Variants in KAZN observed in about 807,000 individuals in gnomAD.
KAZN encodes kazrin.
Under a neutral mutation model 87.4 loss-of-function variants are expected in KAZN, and 40 were observed. The ratio of observed to expected loss-of-function variants is 0.46; its 90% CI spans 0.36 to 0.60. The LOEUF (loss-of-function observed/expected upper bound fraction) is 0.60. KAZN is among the 20% of genes least tolerant of loss of function. The pLI is 0.00. For missense variants in KAZN, 898 were observed against 1,073.9 expected (o/e 0.84, Z 2.29); for synonymous variants, 466 against 458.3 (o/e 1.02, Z -0.22).
chr1:14,240,835 G>A (rs150098547), intron 2 of KAZN, among the ~76,000 whole-genome samples: 1 of 152,214 alleles, frequency 6.6e-6, no homozygotes, highest in Non-Finnish European at 1.5e-5. Flanking sequence ...TTCCACTTCT[G>A]TTGGCTCAGG....
intron 2 of KAZN, among the ~76,000 whole-genome samples, chr1:14,572,544 G>A (rs1674933277): frequency 6.6e-6 from 1 of 152,202 alleles, no homozygotes. Flanking sequence ...GCTCAGGCCT[G>A]GGAAGCAAGA....
At chr1:14,528,055 C>T (rs1671995427) in intron 2 of KAZN, among the ~76,000 whole-genome samples, 1 of 148,966 alleles carries the variant, frequency 6.7e-6, no homozygotes, top group African/African-American at 2.5e-5. Context: ...ATCTATGTAC[C>T]TACCTACCTA....
chr1:13,969,115 T>C (rs1191608041), intron 1 of KAZN, among the ~76,000 whole-genome samples: 1 of 152,216 alleles, frequency 6.6e-6, no homozygotes, highest in East Asian at 1.9e-4. Flanking sequence ...ATACTTGAGA[T>C]ATGGCAGTAA....
At chr1:14,500,013 A>G (rs1486023317) in intron 2 of KAZN, among the ~76,000 whole-genome samples, 1 of 152,238 alleles carries the variant, frequency 6.6e-6, no homozygotes, top group Non-Finnish European at 1.5e-5. Context: ...CGTGAATAGA[A>G]TAAGTGAATT....
intron 1 of KAZN, among the ~76,000 whole-genome samples, chr1:14,084,845 G>A (rs1344067573): frequency 5.9e-5 from 9 of 152,036 alleles, no homozygotes; most frequent in Admixed American, 2.0e-4. Flanking sequence ...AAACCTGCAC[G>A]TTGTGCACAT....
rs747092750 is a variant in KAZN, at chr1:15,034,917, C to T, written c.555+32C>T. 13 of 1,610,680 alleles carry T rather than the reference C, an allele frequency of 8.1e-6. No homozygotes were observed. In the South Asian group the frequency reaches 1.4e-4, roughly 18 times the overall value. The stretch of plus-strand genomic sequence containing the variant: ...CGCCGCCCTGCCCTCCCCTCCCCTC[C>T]CGACACACCAGCTCCCACCTCCCCT... On this transcript the variant is annotated intron_variant, in intron 3 of 14. Transcript: ENST00000376030.
intron 1 of KAZN, among the ~76,000 whole-genome samples, chr1:14,025,359 C>T (rs560212162): frequency 1.4e-4 from 21 of 152,318 alleles, no homozygotes; most frequent in African/African-American, 4.1e-4. Context: ...TCTGCCTCTT[C>T]GTTATGAGGC....
At chr1:14,883,339 A>G (rs6667624) in intron 1 of KAZN, among the ~76,000 whole-genome samples, 1 of 41,642 alleles carries the variant, frequency 2.4e-5, no homozygotes, top group Non-Finnish European at 5.6e-5. Flanking sequence ...AGAGAGAGAG[A>G]GAGAAAGAAA....
intron 2 of KAZN, among the ~76,000 whole-genome samples, chr1:15,026,128 C>T (rs1238586900): frequency 6.6e-6 from 1 of 152,208 alleles, no homozygotes; most frequent in Non-Finnish European, 1.5e-5. Flanking sequence ...ACCTGGGTCT[C>T]TTCCCCGGGG....
At chr1:14,990,009 G>C (rs1399642355) in intron 2 of KAZN, among the ~76,000 whole-genome samples, 1 of 151,984 alleles carries the variant, frequency 6.6e-6, no homozygotes, top group African/African-American at 2.4e-5. Flanking sequence ...TATGACATAG[G>C]TTTTATCACA....
chr1:14,470,380 A>G (rs1668389932), intron 2 of KAZN, among the ~76,000 whole-genome samples: 1 of 152,206 alleles, frequency 6.6e-6, no homozygotes, highest in Non-Finnish European at 1.5e-5. Flanking sequence ...GAATTAGACC[A>G]GGGCACAAGA....
intron 2 of KAZN, among the ~76,000 whole-genome samples, chr1:14,465,466 T>G (rs1438735201): frequency 1.3e-5 from 2 of 150,560 alleles, no homozygotes; most frequent in Non-Finnish European, 3.0e-5. Context: ...GAAGTCTGGA[T>G]TCTGCTGTAC....
chr1:14,593,439 G>A (rs1435079812), intron 2 of KAZN, among the ~76,000 whole-genome samples: 1 of 152,124 alleles, frequency 6.6e-6, no homozygotes, highest in African/African-American at 2.4e-5. Flanking sequence ...GGACGGAGTA[G>A]TTTTAGCCAG....
chr1:14,730,023 A>G (rs747811451), intron 1 of KAZN, among the ~76,000 whole-genome samples: 48 of 152,084 alleles, frequency 3.2e-4, no homozygotes, highest in Non-Finnish European at 5.7e-4. Flanking sequence ...GTGGCCTGCA[A>G]AGCCCCAAAT....
intron 1 of KAZN, among the ~76,000 whole-genome samples, chr1:14,902,612 T>A (rs867211250): frequency 1.2e-4 from 18 of 152,136 alleles, no homozygotes; most frequent in Non-Finnish European, 2.4e-4. Flanking sequence ...CAGTTCCTTT[T>A]ACCAGCTTTA....
intron 2 of KAZN, among the ~76,000 whole-genome samples, chr1:14,380,637 G>C (rs561643878): frequency 2.6e-5 from 4 of 152,190 alleles, no homozygotes; most frequent in South Asian, 2.1e-4. Flanking sequence ...TAAGTAATGA[G>C]GCTGAAGACA....
chr1:14,307,516 T>A (rs1655011650), intron 2 of KAZN, among the ~76,000 whole-genome samples: 1 of 152,188 alleles, frequency 6.6e-6, no homozygotes, highest in Non-Finnish European at 1.5e-5. Context: ...TTTACAGACG[T>A]GGAAACTGAA....
intron 1 of KAZN, among the ~76,000 whole-genome samples, chr1:14,880,204 C>T (rs980556048): frequency 6.6e-6 from 1 of 152,198 alleles, no homozygotes; most frequent in East Asian, 1.9e-4. Flanking sequence ...ATACTAGCAA[C>T]CATGCCAGAC....
chr1:14,115,399 C>T (rs1040080600), intron 1 of KAZN, among the ~76,000 whole-genome samples: 129 of 152,282 alleles, frequency 8.5e-4, no homozygotes, highest in African/African-American at 2.8e-3. Context: ...ATCATGGGGG[C>T]AGGTCTTTCC....
Sources: gnomAD v4.1 joint callset for allele counts (sites outside exome capture counted in the v4.1 genomes callset) on GRCh38, gnomAD v4.1.1 for gene constraint, MANE v1.5 for transcripts, NCBI Gene and HGNC (gene_info 2026-07-23, HGNC 2026-07-21) for gene names.